Variants in NAB2 observed in about 807,000 individuals in gnomAD.
The protein encoded by NAB2 is NGFI-A-binding protein 2.
In NAB2, 9 loss-of-function variants were observed where a neutral mutation model predicts 44.2. The observed-to-expected ratio is 0.20, with a 90% CI of 0.12 to 0.36. The LOEUF (loss-of-function observed/expected upper bound fraction) is 0.36. Among genes scored for constraint, NAB2 ranks in the 10% least tolerant of loss-of-function variants. NAB2 has a pLI of 1.00. For synonymous variants in NAB2, 342 were observed against 291.0 expected, an observed-to-expected ratio of 1.18 and a Z score of -1.78; for missense variants, 514 against 709.0, an observed-to-expected ratio of 0.73 and a Z score of 3.12.
At chr12:57,092,347 G>A in intron 2 of NAB2, 101 bp from the exon 3 acceptor site, 3 of 1,490,722 alleles carry the variant, frequency 2.0e-6, no homozygotes, top group Admixed American at 1.9e-5. Context: ...AGCGTCTGAT[G>A]GATGGGCCTC....
chr12:57,091,361 C>T lies in NAB2; in HGVS notation c.320C>T (p.Ala107Val). 6.2e-7 allele frequency: 1 copy of T among 1,614,196 alleles called. No homozygotes were observed. Among genetic ancestry groups the T allele is most frequent in the Non-Finnish European group, 8.5e-7 (1 of 1,180,016 alleles). Residue 107 changes from alanine (A) to valine (V), a missense_variant, in exon 2 of 7, where the codon GCC becomes GTC. By Grantham distance (64) the Ala-to-Val change is moderately conservative. This residue lies in a region of NAB2 where 34 missense variants were observed against 130.5 expected (regional missense o/e 0.26). Coordinates refer to ENST00000300131, the MANE Select transcript of NAB2 (RefSeq NM_005967.4). The surrounding 1 kb of genome is among the most constrained non-coding windows in gnomAD (Gnocchi z 7.3). ...CTGCAGAAGGCACTGAGAGAGTGGG[C>T]CACCAATCCAGGGCTCTTCAGTCAA... ...RRLQKALREW[A>V]TNPGLFSQPV...
rs2033306927 is a variant in NAB2 at position 57,094,782 on chromosome 12, G to A, written c.*61G>A. 12 of 1,359,172 alleles carry A rather than the reference G, an allele frequency of 8.8e-6. No homozygotes were observed. The South Asian group carries it at 1.2e-4, about 13-fold the overall frequency. 84.2% of individuals were successfully genotyped at this position (1,359,172 alleles called of 1,614,324 possible). ...ACTTCTGGCTCACACAGACCCCCAC[G>A]CTCTCCATCCCCGGAATCTAGTCAC... is the stretch of plus-strand genomic sequence containing the variant. On this transcript the variant is annotated 3_prime_UTR_variant, in exon 7 of 7. Transcript: ENST00000300131.
rs116046188 is a variant in NAB2, at chr12:57,095,436, A to T, written c.*715A>T. 1 of 152,690 alleles carries T rather than the reference A, an allele frequency of 6.5e-6. No individual in the cohort carries two copies. Among genetic ancestry groups the T allele is most frequent in the Non-Finnish European group, 1.5e-5 (1 of 68,024 alleles). The allele number at this position is 152,690 out of a possible 1,614,324, so 9.5% of individuals were successfully genotyped here. On this transcript the variant is annotated 3_prime_UTR_variant, in exon 7 of 7. Transcript: ENST00000300131. Reference sequence around the variant, plus strand: ...TCAGATTGTGTACAGTAGATTATTTATTTTGTTATTTTGGAATAAAATTTA... The same window carrying T: ...TCAGATTGTGTACAGTAGATTATTTTTTTTGTTATTTTGGAATAAAATTTA...
chr12:57,092,256 C>CG, intron 2 of NAB2, 192 bp from the exon 3 acceptor site: 2 of 1,017,436 alleles, frequency 2.0e-6, no homozygotes, highest in African/African-American at 3.2e-5. Flanking sequence ...GAGGAGGCCC[C>CG]GGGCATTCCT....
chr12:57,093,204 G>A lies in NAB2; in HGVS notation c.1276+9G>A. 1 of 1,582,904 alleles carries A rather than the reference G, an allele frequency of 6.3e-7. No homozygotes were observed. Among genetic ancestry groups the A allele is most frequent in the Non-Finnish European group, 8.6e-7 (1 of 1,169,190 alleles). The stretch of plus-strand genomic sequence containing the variant: ...GGATGGACATTTGCAGGGTGAGTGT[G>A]CCTCAGAACACTTTTCTCTTCATTG... On this transcript the variant is annotated intron_variant, in intron 5 of 6. Transcript: ENST00000300131.
At chr12:57,093,709 G>A (rs2033253876) in intron 6 of NAB2, 111 bp downstream of exon 6, 10 of 1,194,044 alleles carry the variant, frequency 8.4e-6, no homozygotes, top group Admixed American at 3.3e-5. Context: ...TCGTCAGAGA[G>A]GGCAGTAGGA....
In NAB2 at chr12:57,093,605, C is replaced by T; in HGVS notation, c.1468+7C>T. 1 of 1,501,188 alleles carries T rather than the reference C, an allele frequency of 6.7e-7. No individual in the cohort carries two copies. Among genetic ancestry groups the T allele is most frequent in the Non-Finnish European group, 8.9e-7 (1 of 1,124,614 alleles). 93.0% of individuals were successfully genotyped at this position (1,501,188 alleles called of 1,614,324 possible). Reference sequence around the variant, plus strand: ...GCGAAGCCACCTCTCGCAGGTGAGGCAGCCAGCAGTGCTGTCCCCAAGCAC... The same window carrying T: ...GCGAAGCCACCTCTCGCAGGTGAGGTAGCCAGCAGTGCTGTCCCCAAGCAC... On this transcript the variant is annotated splice_region_variant and intron_variant, in intron 6 of 6. Transcript: ENST00000300131.
Position 57,091,762 on chromosome 12 carries a change from A to G in NAB2, c.721A>G (p.Met241Val). 8 of 1,614,126 alleles carry G rather than the reference A, an allele frequency of 5.0e-6. No individual in the cohort carries two copies. Among genetic ancestry groups the G allele is most frequent in the Non-Finnish European group, 6.8e-6 (8 of 1,179,990 alleles). Residue 241 changes from methionine (M) to valine (V), a missense_variant, in exon 2 of 7, where the codon ATG (methionine) becomes GTG (valine). Around this residue, in one of 5 missense-constraint regions of NAB2, gnomAD observed 177 missense variants for 200.5 expected, o/e 0.88. Coordinates refer to ENST00000300131, the MANE Select transcript of NAB2 (RefSeq NM_005967.4). The surrounding 1 kb of genome is among the most constrained non-coding windows in gnomAD (Gnocchi z 7.3). ...GGGPDRLEPE[M>V]VRMVVESVER... ...TGGTCCAGACCGACTGGAGCCAGAG[A>G]TGGTACGCATGGTGGTGGAAAGTGT...
chr12:57,091,656 GCCCCCCTTCTCC>G lies in NAB2; in HGVS notation c.621_632del (p.Phe208_Pro211del). ...CAGGAGGAGAAGAGGAGGCTGGCTCGCCCCCCTTCTCCCCCCCTGCAGGGGGAGGAGTCCCTG... is the reference window on the plus strand; with the variant it reads ...CAGGAGGAGAAGAGGAGGCTGGCTCGCCCCCTGCAGGGGGAGGAGTCCCTG... On this transcript the variant is annotated inframe_deletion, in exon 2 of 7. Coordinates refer to ENST00000300131, the MANE Select transcript of NAB2 (RefSeq NM_005967.4). The surrounding 1 kb of genome is among the most constrained non-coding windows in gnomAD (Gnocchi z 7.3). 6.3e-7 allele frequency: 1 copy of G among 1,587,614 alleles called. No homozygotes were observed. Among genetic ancestry groups the G allele is most frequent in the Admixed American group, 1.8e-5 (1 of 56,218 alleles).
In NAB2 at chr12:57,091,800, C is replaced by T. The variant is rs371482415; in HGVS notation, c.759C>T (p.Phe253=). The T allele has an allele frequency of 6.2e-7, 1 of 1,614,022 alleles. No homozygotes were observed. Among genetic ancestry groups the T allele is most frequent in the Non-Finnish European group, 8.5e-7 (1 of 1,180,002 alleles). The change falls in exon 2 of 7, where the codon TTC becomes TTT. Residue 253 remains phenylalanine (F), a synonymous_variant. Transcript: ENST00000300131. The surrounding 1 kb of genome is among the most constrained non-coding windows in gnomAD (Gnocchi z 7.3). The part of the protein sequence containing the change: ...RMVVESVERI[F]RSFPRGDAGE... The stretch of plus-strand genomic sequence containing the variant: ...TGGTGGAAAGTGTGGAGAGGATCTT[C>T]CGGAGCTTCCCAAGGGGGGATGCTG...
At position 57,091,087 on chromosome 12, in the gene NAB2, T is replaced by C; in HGVS notation, c.84-38T>C. The C allele has an allele frequency of 6.7e-7, 1 of 1,485,118 alleles. No homozygotes were observed. The highest frequency in any genetic ancestry group is 1.4e-5 in the African/African-American group (1 of 71,156). The allele number at this position is 1,485,118 out of a possible 1,614,324, so 92.0% of individuals were successfully genotyped here. ...TGGGTTGGTACCCAGTAGGGGGACT[T>C]GCACCGACTGCCTCTCTCTTGTGCC... On this transcript the variant is annotated intron_variant, in intron 1 of 6. Coordinates refer to ENST00000300131, the MANE Select transcript of NAB2 (RefSeq NM_005967.4). The surrounding 1 kb of genome is among the most constrained non-coding windows in gnomAD (Gnocchi z 7.3).
chr12:57,089,209 G>A lies in NAB2; in HGVS notation c.-63G>A. The A allele has an allele frequency of 1.3e-6, 2 of 1,503,846 alleles. No individual in the cohort carries two copies. The highest frequency in any genetic ancestry group is 1.8e-6 in the Non-Finnish European group (2 of 1,107,640). 93.2% of individuals were successfully genotyped at this position (1,503,846 alleles called of 1,614,324 possible). ...GGCATCGTGCGCGGGGAAGAGGGCA[G>A]CACGCAGCAGGCGCCGAGCGCCGGG... is the stretch of plus-strand genomic sequence containing the variant. On this transcript the variant is annotated 5_prime_UTR_variant, in exon 1 of 7. Transcript: ENST00000300131.
Position 57,095,106 on chromosome 12 carries a change from A to C in NAB2, c.*385A>C. On this transcript the variant is annotated 3_prime_UTR_variant, in exon 7 of 7. Coordinates refer to ENST00000300131, the MANE Select transcript of NAB2 (RefSeq NM_005967.4). The stretch of plus-strand genomic sequence containing the variant: ...GACTTCCCTGGGAAGGTCCAGCTAA[A>C]AGTGGCAACATTTGCCCCCAGAATT... 1.1e-5 allele frequency: 2 copies of C among 175,544 alleles called. No homozygotes were observed. The highest frequency in any genetic ancestry group is 2.4e-5 in the Non-Finnish European group (2 of 82,894). 10.9% of individuals were successfully genotyped at this position (175,544 alleles called of 1,614,324 possible).
In NAB2 at chr12:57,091,758, A is replaced by G; in HGVS notation, c.717A>G (p.Pro239=). The G allele has an allele frequency of 1.2e-6, 2 of 1,614,150 alleles. No homozygotes were observed. Among genetic ancestry groups the G allele is most frequent in the Non-Finnish European group, 1.7e-6 (2 of 1,179,990 alleles). Residue 239 remains proline, a synonymous_variant, in exon 2 of 7, where the codon CCA becomes CCG. Coordinates refer to ENST00000300131, the MANE Select transcript of NAB2 (RefSeq NM_005967.4). The surrounding 1 kb of genome is among the most constrained non-coding windows in gnomAD (Gnocchi z 7.3). ...GGGGTGGTCCAGACCGACTGGAGCC[A>G]GAGATGGTACGCATGGTGGTGGAAA... The part of the protein sequence containing the change: ...GTGGGPDRLE[P]EMVRMVVESV...
rs1229675750 is a variant in NAB2, at chr12:57,091,193, G to A, written c.152G>A (p.Arg51His). Residue 51 changes from arginine to histidine, a missense_variant, in exon 2 of 7, where the codon CGC becomes CAC. Physicochemically the swap from Arg to His is conservative, Grantham distance 29 (BLOSUM62 0). Around this residue, in one of 5 missense-constraint regions of NAB2, gnomAD observed 34 missense variants for 130.5 expected, o/e 0.26. Coordinates refer to ENST00000300131, the MANE Select transcript of NAB2 (RefSeq NM_005967.4). This position sits in a 1 kb window ranked among gnomAD's most constrained non-coding sequence, Gnocchi z 7.3. ...CTGCAGCTGTACCGGGTCCTGCAGCGCGCCAACCTCCTTTCCTACTATGAG... is the reference window on the plus strand; with the variant it reads ...CTGCAGCTGTACCGGGTCCTGCAGCACGCCAACCTCCTTTCCTACTATGAG... ...GELQLYRVLQ[R>H]ANLLSYYETF... The A allele has an allele frequency of 6.4e-6, 10 of 1,558,926 alleles. No homozygotes were observed. The highest frequency in any genetic ancestry group is 1.8e-5 in the Admixed American group (1 of 55,746).
In NAB2 at chr12:57,092,875, C is replaced by T. The variant is rs376332427; in HGVS notation, c.1092-42C>T. ...TTCTGTGCTCTGCCAGTCGAGTGGC[C>T]CTCGTCAGCCTCATCCACTTTATTC... On this transcript the variant is annotated intron_variant, in intron 3 of 6. Coordinates refer to ENST00000300131, the MANE Select transcript of NAB2 (RefSeq NM_005967.4). The T allele has an allele frequency of 2.0e-5, 33 of 1,610,364 alleles. No homozygotes were observed. In the South Asian group the frequency reaches 3.2e-4, roughly 16 times the overall value.
At chr12:57,092,655 T>G (rs1331699087) in intron 3 of NAB2, 74 bp downstream of exon 3, 28 of 1,561,464 alleles carry the variant, frequency 1.8e-5, no homozygotes, top group Non-Finnish European at 2.4e-5. Context: ...AACCTTCAGC[T>G]CAGGCAGCTC....
intron 1 of NAB2, among the ~76,000 whole-genome samples, chr12:57,090,503 A>ATAAG (rs2033163825): frequency 6.6e-6 from 1 of 152,116 alleles, no homozygotes; most frequent in Non-Finnish European, 1.5e-5. Context: ...AAATAAATAA[A>ATAAG]TAAATGCTTA....
In NAB2 at chr12:57,093,125, C is replaced by G; in HGVS notation, c.1206C>G (p.Pro402=). Reference sequence around the variant, plus strand: ...CCCCAGGCCCTGAGTCCTATGTACCCCCATACCGCCCCAGCCTGGAGGAGG... The same window carrying G: ...CCCCAGGCCCTGAGTCCTATGTACCGCCATACCGCCCCAGCCTGGAGGAGG... The part of the protein sequence containing the change: ...QPPPGPESYV[P]PYRPSLEEDS... Residue 402 remains proline (P), a synonymous_variant, in exon 5 of 7, where the codon CCC becomes CCG. Transcript: ENST00000300131. 1 of 1,613,736 alleles carries G rather than the reference C, an allele frequency of 6.2e-7. No homozygotes were observed. Among genetic ancestry groups the G allele is most frequent in the East Asian group, 2.2e-5 (1 of 44,886 alleles).
Sources: gnomAD v4.1 joint callset for allele counts (sites outside exome capture counted in the v4.1 genomes callset) on GRCh38, gnomAD v4.1.1 for gene constraint, gnomAD v4.1.1 regional missense constraint, Gnocchi (gnomAD v3.1) non-coding constraint, MANE v1.5 for transcripts, NCBI Gene and HGNC (gene_info 2026-07-23, HGNC 2026-07-21) for gene names.